NUP93: variants seen among roughly 807,000 people sequenced by gnomAD.
The protein encoded by NUP93 is nuclear pore complex protein Nup93.
Under a neutral mutation model 107.8 loss-of-function variants are expected in NUP93, and 55 were observed. That is an observed-to-expected ratio of 0.51 (90% confidence interval 0.41 to 0.64). The LOEUF (loss-of-function observed/expected upper bound fraction) is 0.64, where lower values mean the gene tolerates loss of function less well. Ranked by LOEUF, NUP93 falls within the 30% of genes least tolerant of loss-of-function variation. The pLI is 0.00. For missense variants in NUP93, 937 were observed against 1,044.7 expected (o/e 0.90, Z 1.42); for synonymous variants, 390 against 397.5 (o/e 0.98, Z 0.22).
At chr16:56,796,776 A>G (rs970608955) in intron 3 of NUP93, among the ~76,000 whole-genome samples, 54 of 152,212 alleles carry the variant, frequency 3.5e-4, no homozygotes, top group African/African-American at 1.3e-3. Context: ...CAGGAGATCG[A>G]GATCATCCTG....
chr16:56,786,386 C>T (rs765452022), intron 3 of NUP93, among the ~76,000 whole-genome samples: 124 of 152,356 alleles, frequency 8.1e-4, no homozygotes, highest in Non-Finnish European at 1.5e-3. Context: ...ATCTGGACCA[C>T]CTGACTCCTA....
At chr16:56,743,220 TG>T (rs1459175402) in intron 1 of NUP93, among the ~76,000 whole-genome samples, 17 of 152,382 alleles carry the variant, frequency 1.1e-4, no homozygotes, top group African/African-American at 4.1e-4. Flanking sequence ...TGTGCATTTT[TG>T]CTCTGCCTTT....
chr16:56,780,495 T>C (rs1962494144), intron 3 of NUP93, among the ~76,000 whole-genome samples: 1 of 152,184 alleles, frequency 6.6e-6, no homozygotes, highest in Non-Finnish European at 1.5e-5. Flanking sequence ...GGGTTTTTTG[T>C]TTGTTTTTGT....
intron 3 of NUP93, among the ~76,000 whole-genome samples, chr16:56,759,103 T>C (rs1466589875): frequency 1.3e-5 from 2 of 152,244 alleles, no homozygotes; most frequent in Non-Finnish European, 2.9e-5. Flanking sequence ...TACTCAATGA[T>C]TTCCAAGAAG....
At chr16:56,810,309 A>G (rs1223070620) in intron 5 of NUP93, among the ~76,000 whole-genome samples, 1 of 152,204 alleles carries the variant, frequency 6.6e-6, no homozygotes, top group African/African-American at 2.4e-5. Flanking sequence ...TGTATAACGT[A>G]TAGATGGAAA....
chr16:56,730,846 C>T (rs1961523081), intron 1 of NUP93, among the ~76,000 whole-genome samples: 2 of 152,174 alleles, frequency 1.3e-5, no homozygotes, highest in South Asian at 4.1e-4. Context: ...CCCCATGGGT[C>T]CTTGGTGAAA....
chr16:56,832,823 C>G (rs1963824050), intron 12 of NUP93, among the ~76,000 whole-genome samples: 1 of 152,160 alleles, frequency 6.6e-6, no homozygotes, highest in Non-Finnish European at 1.5e-5. Context: ...ATTCAGATTT[C>G]TGTGACTGTG....
chr16:56,805,827 G>A (rs945278555), intron 5 of NUP93, 195 bp downstream of exon 5: 9 of 590,014 alleles, frequency 1.5e-5, no homozygotes, highest in African/African-American at 5.6e-5. Flanking sequence ...AGTCTCCTTT[G>A]CTGAGCTTTC....
At chr16:56,822,288 G>A (rs1963561524) in intron 7 of NUP93, among the ~76,000 whole-genome samples, 1 of 151,740 alleles carries the variant, frequency 6.6e-6, no homozygotes. Context: ...GAGGTGGGTG[G>A]ATTGCTTGCA....
intron 20 of NUP93, among the ~76,000 whole-genome samples, chr16:56,840,881 C>T (rs2144649635): frequency 6.6e-6 from 1 of 152,000 alleles, no homozygotes; most frequent in African/African-American, 2.4e-5. Flanking sequence ...CCTGTAGTCC[C>T]AGCTATTCCA....
At chr16:56,765,568 G>A (rs1596781600) in intron 3 of NUP93, among the ~76,000 whole-genome samples, 1 of 152,190 alleles carries the variant, frequency 6.6e-6, no homozygotes, top group East Asian at 1.9e-4. Context: ...TGGGTGTAGT[G>A]ACTGAATTGC....
chr16:56,777,021 C>CGT (rs142691435), intron 3 of NUP93, among the ~76,000 whole-genome samples: 4 of 151,736 alleles, frequency 2.6e-5, no homozygotes, highest in East Asian at 1.9e-4. Context: ...AGAGAGTGAG[C>CGT]GTGTGTGTGT....
In NUP93 at chr16:56,834,790, G is replaced by C. The variant is rs766717013; in HGVS notation, c.1782+12G>C. The C allele has an allele frequency of 1.9e-6, 3 of 1,590,404 alleles. No individual in the cohort carries two copies. The highest frequency in any genetic ancestry group is 2.6e-6 in the Non-Finnish European group (3 of 1,160,280). On this transcript the variant is annotated intron_variant, in intron 16 of 21. Transcript: ENST00000308159. Reference sequence around the variant, plus strand: ...ACGGAAGTAGAAAGGTGAGTTAAATGCATCCTTAGAGAAATGTTCGTTAGC... The same window carrying C: ...ACGGAAGTAGAAAGGTGAGTTAAATCCATCCTTAGAGAAATGTTCGTTAGC...
chr16:56,830,661 A>G lies in NUP93; in HGVS notation c.1061A>G (p.Glu354Gly), dbSNP rs1293213544. ...GGAGAGTTTAAAACCTGGTTCCAGG[A>G]GTACATGAACAGCAAGGACAGAAGG... ...QLGEFKTWFQEYMNSKDRRLS... is the reference protein window; with the variant it reads ...QLGEFKTWFQGYMNSKDRRLS... Residue 354 changes from glutamate (E) to glycine (G), a missense_variant, in exon 10 of 22, where the codon GAG (glutamate) becomes GGG (glycine). Glu to Gly is a moderately conservative substitution (Grantham distance 98). Coordinates refer to ENST00000308159, the MANE Select transcript of NUP93 (RefSeq NM_014669.5). 1 of 1,599,638 alleles carries G rather than the reference A, an allele frequency of 6.3e-7. No individual in the cohort carries two copies. Among genetic ancestry groups the G allele is most frequent in the Admixed American group, 1.7e-5 (1 of 59,486 alleles).
chr16:56,823,577 G>A lies in NUP93; in HGVS notation c.655-130G>A, dbSNP rs542918307. ...TTCTGCACTGAGCTTAAGCCTAGCC[G>A]TCACAGACAGATGACATTAACCTCA... On this transcript the variant is annotated intron_variant, in intron 7 of 21. Coordinates refer to ENST00000308159, the MANE Select transcript of NUP93 (RefSeq NM_014669.5). 59 of 1,104,600 alleles carry A rather than the reference G, an allele frequency of 5.3e-5. No homozygotes were observed. The East Asian group carries it at 1.0e-3, about 19-fold the overall frequency. The allele number at this position is 1,104,600 out of a possible 1,614,324, so 68.4% of individuals were successfully genotyped here.
chr16:56,810,118 G>A (rs1963281791), intron 5 of NUP93, among the ~76,000 whole-genome samples: 1 of 152,126 alleles, frequency 6.6e-6, no homozygotes, highest in South Asian at 2.1e-4. Flanking sequence ...CTTCTTACTT[G>A]ACCTCAAGTC....
intron 13 of NUP93, 67 bp downstream of exon 13, chr16:56,833,473 C>T: frequency 3.2e-6 from 4 of 1,253,874 alleles, no homozygotes; most frequent in Non-Finnish European, 4.3e-6. Flanking sequence ...CGACGGTGGC[C>T]ACAAAACCAC....
At chr16:56,732,603 G>A (rs992711032) in intron 1 of NUP93, among the ~76,000 whole-genome samples, 1 of 152,218 alleles carries the variant, frequency 6.6e-6, no homozygotes, top group African/African-American at 2.4e-5. Context: ...TGGAGATGTG[G>A]TGAGCCTGAG....
chr16:56,799,516 G>A (rs1428745556), intron 4 of NUP93, among the ~76,000 whole-genome samples: 2 of 152,132 alleles, frequency 1.3e-5, no homozygotes, highest in African/African-American at 4.8e-5. Flanking sequence ...TTTGATGAGG[G>A]AAAAGAAAGG....
Sources: gnomAD v4.1 joint callset for allele counts (sites outside exome capture counted in the v4.1 genomes callset) on GRCh38, gnomAD v4.1.1 for gene constraint, MANE v1.5 for transcripts, NCBI Gene and HGNC (gene_info 2026-07-23, HGNC 2026-07-21) for gene names.